DNAH9: variants seen among roughly 807,000 people sequenced by gnomAD.
The protein encoded by DNAH9 is DNAH9 variant protein.
Under a neutral mutation model 471.6 loss-of-function variants are expected in DNAH9, and 345 were observed. The ratio of observed to expected loss-of-function variants is 0.73; its 90% CI spans 0.67 to 0.80. DNAH9 has a LOEUF of 0.80. Ranked by LOEUF, DNAH9 falls within the 30% of genes least tolerant of loss-of-function variation. The pLI is 0.00. For missense variants in DNAH9, 5,407 were observed against 5,609.2 expected (o/e 0.96, Z 1.15); for synonymous variants, 2,093 against 2,123.6 (o/e 0.99, Z 0.40).
intron 19 of DNAH9, among the ~76,000 whole-genome samples, chr17:11,682,620 C>G (rs2074155170): frequency 6.6e-6 from 1 of 151,900 alleles, no homozygotes; most frequent in African/African-American, 2.4e-5. Context: ...AAACATATGA[C>G]TCTAAAGCAA....
intron 29 of DNAH9, among the ~76,000 whole-genome samples, chr17:11,739,574 AC>A: frequency 6.6e-6 from 1 of 152,304 alleles, no homozygotes; most frequent in South Asian, 2.1e-4. Context: ...ATAGGTAGAA[AC>A]ATTTTTAAGG....
rs369954901 is a variant in DNAH9 at position 11,953,638 on chromosome 17, C to T, written c.12844-8229C>T. On this transcript the variant is annotated intron_variant, in intron 67 of 68. Transcript: ENST00000262442. ...CATCCTGGCTAACGTGGTGAAACCCCGTCTCTACTAAAAATACAAAAAAAT... is the reference window on the plus strand; with the variant it reads ...CATCCTGGCTAACGTGGTGAAACCCTGTCTCTACTAAAAATACAAAAAAAT... Among the ~76,000 whole-genome samples the T allele has an allele frequency of 1.1e-3, 172 of 151,736 alleles. 4 individuals are homozygous for T. The South Asian group carries it at 0.034, about 30-fold the overall frequency.
chr17:11,965,400 G>C (rs372496934), intron 68 of DNAH9, among the ~76,000 whole-genome samples: 2 of 152,220 alleles, frequency 1.3e-5, no homozygotes, highest in African/African-American at 4.8e-5. Flanking sequence ...TAAGCTAACA[G>C]AGCAGGCCAC....
chr17:11,940,059 A>G (rs12936714), intron 66 of DNAH9, among the ~76,000 whole-genome samples: 73,158 of 152,186 alleles, frequency 0.48, 17,809 homozygotes, highest in Middle Eastern at 0.57. Context: ...TTAAGACTAT[A>G]GGAGGACTTT....
intron 49 of DNAH9, among the ~76,000 whole-genome samples, chr17:11,849,712 C>T (rs1174333423): frequency 1.3e-5 from 2 of 152,196 alleles, no homozygotes; most frequent in African/African-American, 2.4e-5. Context: ...CATCACATTC[C>T]AAGAATTCTC....
chr17:11,641,284 C>A (rs771643773), intron 10 of DNAH9, among the ~76,000 whole-genome samples: 2 of 151,840 alleles, frequency 1.3e-5, no homozygotes, highest in Non-Finnish European at 2.9e-5. Flanking sequence ...AAAAGCAGAC[C>A]CAATGTGAGC....
At chr17:11,764,373 A>G (rs965239903) in intron 36 of DNAH9, among the ~76,000 whole-genome samples, 1 of 152,214 alleles carries the variant, frequency 6.6e-6, no homozygotes, top group Non-Finnish European at 1.5e-5. Context: ...GCATTATTGT[A>G]TGACAGTTAA....
intron 62 of DNAH9, among the ~76,000 whole-genome samples, chr17:11,927,589 C>T (rs1974375186): frequency 6.6e-6 from 1 of 152,150 alleles, no homozygotes; most frequent in African/African-American, 2.4e-5. Context: ...CACAGACCTT[C>T]TTTATGGATC....
At chr17:11,921,245 T>TGC (rs780864209) in intron 61 of DNAH9, among the ~76,000 whole-genome samples, 28,067 of 135,464 alleles carry the variant, frequency 0.21, 2,642 homozygotes, top group East Asian at 0.36. Flanking sequence ...AAAAGGTGAT[T>TGC]TTTTTTTTTT....
At chr17:11,660,774 G>T (rs2073746720) in intron 14 of DNAH9, among the ~76,000 whole-genome samples, 1 of 152,204 alleles carries the variant, frequency 6.6e-6, no homozygotes, top group Admixed American at 6.5e-5. Flanking sequence ...CAGTCTTTGG[G>T]AATTTTCTGA....
chr17:11,901,437 C>T (rs777372801), intron 59 of DNAH9, among the ~76,000 whole-genome samples: 7 of 152,104 alleles, frequency 4.6e-5, no homozygotes, highest in Middle Eastern at 3.2e-3. Context: ...GGCTCACACC[C>T]GTAATCCCAA....
rs773228016 is a variant in DNAH9, at chr17:11,881,213, A to G, written c.10606A>G (p.Ile3536Val). The change falls in exon 55 of 69, where the codon ATT becomes GTT. Residue 3536 changes from isoleucine (I) to valine (V), a missense_variant. This residue lies in a region of DNAH9 where 4,636 missense variants were observed against 4,900.3 expected (regional missense o/e 0.95). Coordinates refer to ENST00000262442, the MANE Select transcript of DNAH9 (RefSeq NM_001372.4). ...ACATGAGCCTTTATGTTCCAGATTCATTAAAATTGGAGACAAAGAATGTGA... is the reference window on the plus strand; with the variant it reads ...ACATGAGCCTTTATGTTCCAGATTCGTTAAAATTGGAGACAAAGAATGTGA... Reference protein sequence around the residue: ...GREVIKKGRFIKIGDKECEYN... With the variant: ...GREVIKKGRFVKIGDKECEYN... 3 of 1,614,226 alleles carry G rather than the reference A, an allele frequency of 1.9e-6. No homozygotes were observed.
In DNAH9 at chr17:11,854,421, A is replaced by G. The variant is rs777741964; in HGVS notation, c.9926A>G (p.Lys3309Arg). The G allele has an allele frequency of 2.5e-6, 4 of 1,611,576 alleles. No homozygotes were observed. The highest frequency in any genetic ancestry group is 1.1e-5 in the South Asian group (1 of 90,860). ...AQEKLAAIKA[K>R]IAHLNENLAK... The stretch of plus-strand genomic sequence containing the variant: ...GAGAAGCTGGCTGCCATCAAAGCCA[A>G]GATCGCTGTGAGTGACCCCAGAGCC... Residue 3309 changes from lysine (K) to arginine (R), a missense_variant, in exon 50 of 69, where the codon AAG becomes AGG. By Grantham distance (26) the Lys-to-Arg change is conservative (BLOSUM62 2). Around this residue, in one of 3 missense-constraint regions of DNAH9, gnomAD observed 4,636 missense variants for 4,900.3 expected, o/e 0.95. Transcript: ENST00000262442.
intron 66 of DNAH9, among the ~76,000 whole-genome samples, chr17:11,940,656 A>C (rs192244119): frequency 6.6e-6 from 1 of 152,302 alleles, no homozygotes; most frequent in East Asian, 1.9e-4. Context: ...TAACAATACA[A>C]GGCAAGGTGA....
intron 51 of DNAH9, among the ~76,000 whole-genome samples, chr17:11,870,008 G>T (rs1972203771): frequency 6.6e-6 from 1 of 152,036 alleles, no homozygotes; most frequent in African/African-American, 2.4e-5. Flanking sequence ...GGAAGGGAGG[G>T]TGCAGCTGGT....
At chr17:11,913,154 C>T (rs1007388302) in intron 61 of DNAH9, among the ~76,000 whole-genome samples, 7 of 151,790 alleles carry the variant, frequency 4.6e-5, no homozygotes, top group East Asian at 3.9e-4. Flanking sequence ...GGTGACAAAG[C>T]GAGACTCTGT....
At chr17:11,749,633 T>C (rs1487063993) in intron 32 of DNAH9, among the ~76,000 whole-genome samples, 1 of 152,068 alleles carries the variant, frequency 6.6e-6, no homozygotes, top group Non-Finnish European at 1.5e-5. Context: ...TTTATCCATC[T>C]GGAATTTATG....
chr17:11,798,925 T>G (rs1433247505), intron 43 of DNAH9, among the ~76,000 whole-genome samples: 1 of 152,088 alleles, frequency 6.6e-6, no homozygotes, highest in Non-Finnish European at 1.5e-5. Flanking sequence ...AAACCCCAGT[T>G]CTTTTGAACA....
chr17:11,887,074 C>T, intron 57 of DNAH9, 109 bp downstream of exon 57: 1 of 1,395,940 alleles, frequency 7.2e-7, no homozygotes. Flanking sequence ...TATGGCAAGT[C>T]TGTAAGATCA....
Sources: gnomAD v4.1 joint callset for allele counts (sites outside exome capture counted in the v4.1 genomes callset) on GRCh38, gnomAD v4.1.1 for gene constraint, gnomAD v4.1.1 regional missense constraint, MANE v1.5 for transcripts, NCBI Gene and HGNC (gene_info 2026-07-23, HGNC 2026-07-21) for gene names.